The following ANKRD11 variants were observed in gnomAD, a reference collection of about 807,000 sequenced individuals.
The protein encoded by ANKRD11 is ankyrin repeat domain 11.
In ANKRD11, 17 loss-of-function variants were observed where a neutral mutation model predicts 195.7. That is an observed-to-expected ratio of 0.09 (90% CI 0.06 to 0.13). The LOEUF is 0.13. ANKRD11 is among the 10% of genes least tolerant of loss of function. The pLI is 1.00. For synonymous variants in ANKRD11, 1,953 were observed against 1,528.1 expected (o/e 1.28, Z -6.49); for missense variants, 3,735 against 3,566.1 (o/e 1.05, Z -1.21).
At chr16:89,463,354 T>C (rs916181586) in intron 1 of ANKRD11, among the ~76,000 whole-genome samples, 1 of 152,218 alleles carries the variant, frequency 6.6e-6, no homozygotes, top group Admixed American at 6.5e-5. Flanking sequence ...TGGGATCCTG[T>C]TGATCTGTGA....
At chr16:89,471,171 G>C (rs2057071513) in intron 1 of ANKRD11, among the ~76,000 whole-genome samples, 1 of 151,896 alleles carries the variant, frequency 6.6e-6, no homozygotes, top group South Asian at 2.1e-4. Flanking sequence ...TGACAGCAGA[G>C]TGAGACCCCA....
chr16:89,312,719 C>T (rs531462933), intron 3 of ANKRD11, among the ~76,000 whole-genome samples: 2 of 152,246 alleles, frequency 1.3e-5, no homozygotes, highest in African/African-American at 4.8e-5. Flanking sequence ...CGGCCTCCTG[C>T]TCCTCCCGAA....
At chr16:89,349,681 A>G (rs953772380) in intron 2 of ANKRD11, among the ~76,000 whole-genome samples, 1 of 152,178 alleles carries the variant, frequency 6.6e-6, no homozygotes, top group Non-Finnish European at 1.5e-5. Context: ...ATGACTGAAA[A>G]CTATGTATCT....
chr16:89,329,490 G>A (rs892230940), intron 2 of ANKRD11, among the ~76,000 whole-genome samples: 3 of 152,146 alleles, frequency 2.0e-5, no homozygotes, highest in Admixed American at 6.5e-5. Context: ...TTTCCCCAAC[G>A]GTATACGTTT....
chr16:89,412,020 C>A lies in ANKRD11; in HGVS notation c.-60+6264G>T, dbSNP rs529270529. Reference sequence around the variant, plus strand: ...CAGAGTCTCCTGGCCGTGCCCCATCCCTCCCCTCAGCCAGGTACTGGGCTG... The same window carrying A: ...CAGAGTCTCCTGGCCGTGCCCCATCACTCCCCTCAGCCAGGTACTGGGCTG... On this transcript the variant is annotated intron_variant, in intron 2 of 12. Coordinates refer to ENST00000301030, the MANE Select transcript of ANKRD11 (RefSeq NM_013275.6). Among the ~76,000 whole-genome samples the A allele has an allele frequency of 3.2e-4, 33 of 102,830 alleles. No individual in the cohort carries two copies. In the East Asian group the frequency reaches 9.7e-3, roughly 30 times the overall value. The allele number at this position is 102,830 out of a possible 152,430, so 67.5% of individuals were successfully genotyped here.
chr16:89,283,141 C>T lies in ANKRD11; in HGVS notation c.3401G>A (p.Gly1134Glu). 1 of 1,613,986 alleles carries T rather than the reference C, an allele frequency of 6.2e-7. No individual in the cohort carries two copies. Among genetic ancestry groups the T allele is most frequent in the Non-Finnish European group, 8.5e-7 (1 of 1,180,026 alleles). Residue 1134 changes from glycine to glutamate, a missense_variant, in exon 9 of 13, where the codon GGG becomes GAG. Gly to Glu is a moderately conservative substitution (Grantham distance 98). Transcript: ENST00000301030. The surrounding 1 kb of genome is among the most constrained non-coding windows in gnomAD (Gnocchi z 4.3). The part of the protein sequence containing the change: ...EDDRDSCMGS[G>E]FKMGEASDLP... ...GTCGCTGGCCTCTCCCATCTTGAAC[C>T]CGCTCCCCATGCAGCTGTCTCTGTC... is the stretch of plus-strand genomic sequence containing the variant.
At chr16:89,376,305 G>T (rs2040421411) in intron 2 of ANKRD11, among the ~76,000 whole-genome samples, 1 of 152,210 alleles carries the variant, frequency 6.6e-6, no homozygotes, top group South Asian at 2.1e-4. Context: ...TGGTTTGACA[G>T]TTTTAGAACG....
chr16:89,461,327 G>A (rs570850305), intron 1 of ANKRD11, among the ~76,000 whole-genome samples: 4 of 152,136 alleles, frequency 2.6e-5, no homozygotes, highest in African/African-American at 9.6e-5. Context: ...TGTCGTCTGG[G>A]AAGACCAAGT....
At chr16:89,376,051 A>T (rs183403969) in intron 2 of ANKRD11, among the ~76,000 whole-genome samples, 1 of 152,356 alleles carries the variant, frequency 6.6e-6, no homozygotes, top group African/African-American at 2.4e-5. Flanking sequence ...TGAAGCCATC[A>T]CCGCAGCTAC....
In ANKRD11 at chr16:89,424,652, G is replaced by A. The variant is rs532258787; in HGVS notation, c.-144-6284C>T. Among the ~76,000 whole-genome samples, 15 of 152,158 alleles carry A rather than the reference G, an allele frequency of 9.9e-5. 1 individual carries two copies. In the South Asian group the frequency reaches 1.7e-3, roughly 17 times the overall value. On this transcript the variant is annotated intron_variant, in intron 1 of 12. Transcript: ENST00000301030. ...CCAATCGAAAAGGTTACATTTCTAC[G>A]ACTCCATTTATATGACACTCTTATG...
At chr16:89,308,356 T>C (rs1474388499) in intron 3 of ANKRD11, among the ~76,000 whole-genome samples, 1 of 152,222 alleles carries the variant, frequency 6.6e-6, no homozygotes, top group African/African-American at 2.4e-5. Context: ...GTTTGTGATG[T>C]GGGAGGAAAG....
chr16:89,280,438 T>C lies in ANKRD11; in HGVS notation c.6104A>G (p.Glu2035Gly), dbSNP rs778167926. The C allele has an allele frequency of 3.8e-6, 6 of 1,582,678 alleles. No individual in the cohort carries two copies. Among genetic ancestry groups the C allele is most frequent in the Non-Finnish European group, 5.2e-6 (6 of 1,163,186 alleles). Residue 2035 changes from glutamate (E) to glycine (G), a missense_variant, in exon 9 of 13, where the codon GAG becomes GGG. Coordinates refer to ENST00000301030, the MANE Select transcript of ANKRD11 (RefSeq NM_013275.6). The stretch of plus-strand genomic sequence containing the variant: ...GGCGTCCACTCCGTCCTTGACGTCC[T>C]CCAGCCCCGGCTCAGCGACGGGCAG... ...YALPVAEPGL[E>G]DVKDGVDAVP...
intron 2 of ANKRD11, among the ~76,000 whole-genome samples, chr16:89,406,526 G>A (rs1395911623): frequency 1.3e-5 from 2 of 152,216 alleles, no homozygotes; most frequent in Non-Finnish European, 1.5e-5. Flanking sequence ...GTGTCAGCAC[G>A]CAGACACACA....
At chr16:89,271,422 A>T (rs1314955795) in intron 11 of ANKRD11, 1 of 223,060 alleles carries the variant, frequency 4.5e-6, no homozygotes, top group Non-Finnish European at 9.1e-6. Flanking sequence ...TTTAGTAGAG[A>T]CGGGGTTTCT....
At chr16:89,465,948 G>A (rs551190455) in intron 1 of ANKRD11, among the ~76,000 whole-genome samples, 1 of 152,268 alleles carries the variant, frequency 6.6e-6, no homozygotes, top group South Asian at 2.1e-4. Flanking sequence ...CTGACCTCAT[G>A]ATCTGCCCGC....
intron 4 of ANKRD11, among the ~76,000 whole-genome samples, chr16:89,296,248 C>T (rs1487232278): frequency 1.3e-5 from 2 of 151,968 alleles, no homozygotes; most frequent in South Asian, 4.2e-4. Context: ...ATTCATTATA[C>T]TTTTTGAATT....
chr16:89,474,205 T>G (rs985690636), intron 1 of ANKRD11, among the ~76,000 whole-genome samples: 1 of 152,144 alleles, frequency 6.6e-6, no homozygotes, highest in East Asian at 1.9e-4. Flanking sequence ...AACACCTAGA[T>G]TGCAACCGGA....
At chr16:89,466,648 A>C (rs534202352) in intron 1 of ANKRD11, among the ~76,000 whole-genome samples, 23 of 152,204 alleles carry the variant, frequency 1.5e-4, no homozygotes, top group African/African-American at 5.6e-4. Flanking sequence ...ACAAACCATA[A>C]TGAGGTTAAA....
At chr16:89,356,886 C>G (rs551053157) in intron 2 of ANKRD11, among the ~76,000 whole-genome samples, 1 of 152,286 alleles carries the variant, frequency 6.6e-6, no homozygotes, top group Non-Finnish European at 1.5e-5. Context: ...TGAGGCTTCT[C>G]CCAGGCCCTG....
Sources: gnomAD v4.1 joint callset for allele counts (sites outside exome capture counted in the v4.1 genomes callset) on GRCh38, gnomAD v4.1.1 for gene constraint, Gnocchi (gnomAD v3.1) non-coding constraint, MANE v1.5 for transcripts, NCBI Gene and HGNC (gene_info 2026-07-23, HGNC 2026-07-21) for gene names.